The following ADAMTSL5 variants were observed in gnomAD, a reference collection of about 807,000 sequenced individuals.
The protein encoded by ADAMTSL5 is ADAMTS like 5.
Under a neutral mutation model 51.7 loss-of-function variants are expected in ADAMTSL5, and 53 were observed. The observed-to-expected ratio is 1.03, with a 90% CI of 0.82 to 1.29. ADAMTSL5 has a LOEUF of 1.29. ADAMTSL5 is among the 50% of genes most tolerant of loss of function. The pLI is 0.00. For synonymous variants in ADAMTSL5, 285 were observed against 278.7 expected (o/e 1.02, Z -0.23); for missense variants, 770 against 676.2 (o/e 1.14, Z -1.54).
chr19:1,506,395 G>T lies in ADAMTSL5; in HGVS notation c.1115-79C>A. The T allele has an allele frequency of 6.6e-7, 1 of 1,505,762 alleles. No homozygotes were observed. The highest frequency in any genetic ancestry group is 1.3e-5 in the South Asian group (1 of 76,090). 93.3% of individuals were successfully genotyped at this position (1,505,762 alleles called of 1,614,324 possible). The stretch of plus-strand genomic sequence containing the variant: ...ACGCCCCCTCCCTTGCCAGAAGAGG[G>T]ACTGAGGGTCAGGTGGGACCTCGGG... On this transcript the variant is annotated intron_variant, in intron 11 of 11. Coordinates refer to ENST00000330475, the MANE Select transcript of ADAMTSL5 (RefSeq NM_213604.3). This position sits in a 1 kb window ranked among gnomAD's most constrained non-coding sequence, Gnocchi z 5.6.
At chr19:1,507,682 G>A (rs766276789) in intron 7 of ADAMTSL5, 39 bp from the exon 8 acceptor site, 1 of 1,579,234 alleles carries the variant, frequency 6.3e-7, no homozygotes, top group Non-Finnish European at 8.7e-7. Flanking sequence ...GTGCCAGTGG[G>A]GGTGTATTTG....
In ADAMTSL5 at chr19:1,506,418, G is replaced by A. The variant is rs1912926869; in HGVS notation, c.1115-102C>T. On this transcript the variant is annotated intron_variant, in intron 11 of 11. Transcript: ENST00000330475. The surrounding 1 kb of genome is among the most constrained non-coding windows in gnomAD (Gnocchi z 5.6). ...GGGACTGAGGGTCAGGTGGGACCTC[G>A]GGATCTATAGGGACTAGAGTCAGGA... is the stretch of plus-strand genomic sequence containing the variant. 18 of 1,450,522 alleles carry A rather than the reference G, an allele frequency of 1.2e-5. No homozygotes were observed. The highest frequency in any genetic ancestry group is 1.2e-4 in the East Asian group (5 of 40,738). 89.9% of individuals were successfully genotyped at this position (1,450,522 alleles called of 1,614,324 possible).
chr19:1,509,302 G>GGCA (rs1252928787), intron 5 of ADAMTSL5, among the ~76,000 whole-genome samples: 5 of 148,584 alleles, frequency 3.4e-5, no homozygotes, highest in Non-Finnish European at 7.4e-5. Context: ...ATCTGGCCCA[G>GGCA]GCACCAGCAA....
chr19:1,506,860 G>T lies in ADAMTSL5; in HGVS notation c.921C>A (p.Pro307=). ...CCAGGGCCTGCACACGAGCCTGGAA[G>T]GGGCTGTAGCGCTCCCGAGGGAGCC... is the stretch of plus-strand genomic sequence containing the variant. ...EFWLPRERYS[P]FQARVQALGW... Residue 307 remains proline, a synonymous_variant, in exon 10 of 12, where the codon CCC becomes CCA. Coordinates refer to ENST00000330475, the MANE Select transcript of ADAMTSL5 (RefSeq NM_213604.3). This position sits in a 1 kb window ranked among gnomAD's most constrained non-coding sequence, Gnocchi z 5.6. 4 of 1,545,930 alleles carry T rather than the reference G, an allele frequency of 2.6e-6. No homozygotes were observed. The highest frequency in any genetic ancestry group is 3.5e-6 in the Non-Finnish European group (4 of 1,145,380).
intron 8 of ADAMTSL5, 47 bp downstream of exon 8, chr19:1,507,509 GC>G: frequency 6.2e-7 from 1 of 1,611,852 alleles, no homozygotes. Context: ...AGGGACAACC[GC>G]CCCCGGGTGC....
At chr19:1,507,937 C>G in intron 7 of ADAMTSL5, 61 bp downstream of exon 7, 1 of 1,511,192 alleles carries the variant, frequency 6.6e-7, no homozygotes, top group Non-Finnish European at 9.0e-7. Context: ...TGCTTCCGGG[C>G]CACGGCTCGT....
intron 1 of ADAMTSL5, chr19:1,511,733 GA>G: frequency 1.9e-6 from 1 of 518,218 alleles, no homozygotes; most frequent in Non-Finnish European, 3.4e-6. Flanking sequence ...ACACCCTGCG[GA>G]AGGTGCGGCC....
In ADAMTSL5 at chr19:1,506,619, C is replaced by T. The variant is rs573868331; in HGVS notation, c.1085G>A (p.Arg362Gln). The T allele has an allele frequency of 2.8e-5, 40 of 1,408,310 alleles. 1 individual carries two copies. Among genetic ancestry groups the T allele is most frequent in the African/African-American group, 5.8e-5 (4 of 68,536 alleles). The allele number at this position is 1,408,310 out of a possible 1,614,324, so 87.2% of individuals were successfully genotyped here. A position where few individuals can be genotyped will look rare whatever the true frequency, so the allele number is the denominator to read the frequency against. The part of the protein sequence containing the change: ...PCPDTRGRAH[R>Q]LLHYCGSDFV... ...GTCACTGCCGCAATAGTGGAGTAGT[C>T]GGTGGGCGCGGCCGCGGGTGTCAGG... is the stretch of plus-strand genomic sequence containing the variant. Residue 362 changes from arginine (R) to glutamine (Q), a missense_variant, in exon 11 of 12, where the codon CGA (arginine) becomes CAA (glutamine). Arg to Gln is a conservative substitution (Grantham distance 43, BLOSUM62 1). Transcript: ENST00000330475. This position sits in a 1 kb window ranked among gnomAD's most constrained non-coding sequence, Gnocchi z 5.6.
At chr19:1,511,807 G>A (rs766733876) in intron 1 of ADAMTSL5, 10 of 327,128 alleles carry the variant, frequency 3.1e-5, no homozygotes, top group South Asian at 2.1e-4. Context: ...CCGGCCCCAG[G>A]GCTCCCTCAG....
In ADAMTSL5 at chr19:1,505,796, C is replaced by T; in HGVS notation, c.*219G>A. ...AGAGAGGCGAAATAAAAGTCAGAGT[C>T]TCCTTAGTGCCTCCTCACCAGTGCC... On this transcript the variant is annotated 3_prime_UTR_variant, in exon 12 of 12. Coordinates refer to ENST00000330475, the MANE Select transcript of ADAMTSL5 (RefSeq NM_213604.3). The T allele has an allele frequency of 2.0e-6, 1 of 499,248 alleles. No individual in the cohort carries two copies. The highest frequency in any genetic ancestry group is 3.4e-6 in the Non-Finnish European group (1 of 296,458). 30.9% of individuals were successfully genotyped at this position (499,248 alleles called of 1,614,324 possible).
At position 1,510,668 on chromosome 19, in the gene ADAMTSL5, G is replaced by T; in HGVS notation, c.162C>A (p.Gly54=). The change falls in exon 3 of 12, where the codon GGC becomes GGA. Residue 54 remains glycine (G), a synonymous_variant. Transcript: ENST00000330475. ...GGCAGCGCCGGCTGCGCACAGAGAC[G>T]CCACGCCCGCAGGAGCTGGAGCAGC... ...WTRCSSSCGR[G]VSVRSRRCLR... 4 of 1,541,832 alleles carry T rather than the reference G, an allele frequency of 2.6e-6. No individual in the cohort carries two copies. Among genetic ancestry groups the T allele is most frequent in the South Asian group, 1.2e-5 (1 of 83,374 alleles).
intron 5 of ADAMTSL5, among the ~76,000 whole-genome samples, chr19:1,509,254 CAAAAAAAAAAAA>C (rs753778097): frequency 2.0e-5 from 1 of 49,560 alleles, no homozygotes; most frequent in African/African-American, 9.9e-5. Flanking sequence ...GACTCCATCT[CAAAAAAAAAAAA>C]AAAAAAAAAA....
chr19:1,507,697 A>G (rs1455693744), intron 7 of ADAMTSL5, 54 bp from the exon 8 acceptor site: 39 of 1,548,472 alleles, frequency 2.5e-5, no homozygotes, highest in Non-Finnish European at 3.3e-5. Flanking sequence ...TATTTGAGCG[A>G]TGACTTGAGG....
Position 1,511,073 on chromosome 19 carries a change from T to C in ADAMTSL5, c.-130A>G, listed in dbSNP as rs1199591020. On this transcript the variant is annotated 5_prime_UTR_variant, in exon 2 of 12. Transcript: ENST00000330475. ...AAAAACGGGGTAATAGAGCCTCCCT[T>C]ACAGGAAAGTTGAGGGGTCCTGTGG... 6.2e-6 allele frequency: 4 copies of C among 647,246 alleles called. No individual in the cohort carries two copies. The highest frequency in any genetic ancestry group is 6.8e-6 in the Non-Finnish European group (3 of 442,928). The allele number at this position is 647,246 out of a possible 1,614,324, so 40.1% of individuals were successfully genotyped here.
chr19:1,506,119 C>T lies in ADAMTSL5; in HGVS notation c.1312G>A (p.Gly438Ser), dbSNP rs540890762. 39 of 1,607,008 alleles carry T rather than the reference C, an allele frequency of 2.4e-5. No homozygotes were observed. In the East Asian group the frequency reaches 4.0e-4, roughly 17 times the overall value. ...GGCAGCAGCAGCTGGTCCTGTGTGC[C>T]GTCGGGGCTGACAAGACGCTGGACA... ...MAVQRLVSPDGTQDQLLLPHA... is the reference protein window; with the variant it reads ...MAVQRLVSPDSTQDQLLLPHA... Residue 438 changes from glycine (G) to serine (S), a missense_variant, in exon 12 of 12, where the codon GGC becomes AGC. Transcript: ENST00000330475. This position sits in a 1 kb window ranked among gnomAD's most constrained non-coding sequence, Gnocchi z 5.6.
chr19:1,507,693 A>C (rs751328179), intron 7 of ADAMTSL5, 50 bp from the exon 8 acceptor site: 1 of 1,560,078 alleles, frequency 6.4e-7, no homozygotes, highest in Admixed American at 1.7e-5. Flanking sequence ...GGTGTATTTG[A>C]GCGATGACTT....
chr19:1,511,368 T>G (rs1913257039), intron 1 of ADAMTSL5, among the ~76,000 whole-genome samples: 1 of 152,150 alleles, frequency 6.6e-6, no homozygotes, highest in South Asian at 2.1e-4. Flanking sequence ...AGACAGGGTT[T>G]CACCATCTTG....
Position 1,507,451 on chromosome 19 carries a change from C to T in ADAMTSL5, c.689-46G>A, listed in dbSNP as rs994217058. On this transcript the variant is annotated intron_variant, in intron 8 of 11. Transcript: ENST00000330475. ...CTCAGGAACCTGTCGTCTCGTCTCCCAGACCCTGGGGTCCCCTCCTCAGGC... is the reference window on the plus strand; with the variant it reads ...CTCAGGAACCTGTCGTCTCGTCTCCTAGACCCTGGGGTCCCCTCCTCAGGC... 3.1e-6 allele frequency: 5 copies of T among 1,602,950 alleles called. No homozygotes were observed. In the African/African-American group the frequency reaches 6.7e-5, roughly 21 times the overall value.
Position 1,508,436 on chromosome 19 carries a change from T to A in ADAMTSL5, c.489+7A>T. 1.3e-6 allele frequency: 2 copies of A among 1,539,928 alleles called. No homozygotes were observed. The highest frequency in any genetic ancestry group is 1.4e-5 in the African/African-American group (1 of 73,140). On this transcript the variant is annotated splice_region_variant and intron_variant, in intron 6 of 11. Coordinates refer to ENST00000330475, the MANE Select transcript of ADAMTSL5 (RefSeq NM_213604.3). ...CGGGGCTCGGGCGGGGCCTGACGAG[T>A]CCTTACAAGGCAGCGGCCAGCCACG...
Sources: allele counts gnomAD v4.1 joint callset (sites outside exome capture counted in the v4.1 genomes callset), GRCh38; gene constraint gnomAD v4.1.1; non-coding constraint Gnocchi (gnomAD v3.1); transcripts MANE v1.5; gene names NCBI Gene and HGNC (gene_info 2026-07-23, HGNC 2026-07-21).